The following RUNX1 variants were observed in gnomAD, a reference collection of about 807,000 sequenced individuals.
RUNX1 encodes runt-related transcription factor 1.
Under a neutral mutation model 42.8 loss-of-function variants are expected in RUNX1, and 19 were observed. The ratio of observed to expected loss-of-function variants is 0.44; its 90% CI spans 0.31 to 0.65. RUNX1 has a LOEUF of 0.65. Ranked by LOEUF, RUNX1 falls within the 30% of genes least tolerant of loss-of-function variation. RUNX1 has a pLI of 0.07. For synonymous variants in RUNX1, 271 were observed against 289.4 expected (o/e 0.94, Z 0.64); for missense variants, 528 against 672.0 (o/e 0.79, Z 2.37).
At chr21:34,809,752 G>C (rs2268277) in intron 7 of RUNX1, among the ~76,000 whole-genome samples, 61,147 of 151,838 alleles carry the variant, frequency 0.4, 12,669 homozygotes, top group African/African-American at 0.5. Flanking sequence ...AAGAGCTGTC[G>C]CTGGGGCAGA....
At chr21:34,817,224 T>C (rs560801761) in intron 7 of RUNX1, among the ~76,000 whole-genome samples, 1 of 152,326 alleles carries the variant, frequency 6.6e-6, no homozygotes, top group South Asian at 2.1e-4. Flanking sequence ...AGGTTGCCTA[T>C]GCTCATTGCT....
chr21:34,806,714 T>C lies in RUNX1; in HGVS notation c.806-7252A>G, dbSNP rs534020503. Among the ~76,000 whole-genome samples the C allele has an allele frequency of 2.6e-5, 4 of 152,306 alleles. No homozygotes were observed. The South Asian group carries it at 8.3e-4, about 32-fold the overall frequency. On this transcript the variant is annotated intron_variant, in intron 7 of 8. Transcript: ENST00000675419. ...ATGGAAGATTCACCAAGATAAGCCA[T>C]ATTCTGGGCCACAAAACACACTTTA...
At chr21:35,018,469 A>C (rs890012070) in intron 2 of RUNX1, among the ~76,000 whole-genome samples, 2 of 152,106 alleles carry the variant, frequency 1.3e-5, no homozygotes, top group African/African-American at 2.4e-5. Context: ...GGAGAAAATA[A>C]ATTTCTGTTG....
chr21:34,940,968 T>A (rs1335395487), intron 2 of RUNX1, among the ~76,000 whole-genome samples: 4 of 152,218 alleles, frequency 2.6e-5, no homozygotes. Flanking sequence ...CACAGAGAAC[T>A]AGAAATGTCG....
intron 6 of RUNX1, among the ~76,000 whole-genome samples, chr21:34,836,058 C>T (rs562902346): frequency 2.6e-5 from 4 of 152,352 alleles, no homozygotes; most frequent in African/African-American, 9.6e-5. Context: ...CACTATATTG[C>T]AGTGATTTTA....
At chr21:34,798,587 A>T (rs1208921541) in intron 8 of RUNX1, among the ~76,000 whole-genome samples, 1 of 152,122 alleles carries the variant, frequency 6.6e-6, no homozygotes, top group Non-Finnish European at 1.5e-5. Flanking sequence ...TGTTTAACCA[A>T]CTGTAGATCA....
Position 34,849,304 on chromosome 21 carries a change from AATATATATTAT to A in RUNX1, c.613+10159_613+10169del, listed in dbSNP as rs1212238227. On this transcript the variant is annotated intron_variant, in intron 6 of 8. Coordinates refer to ENST00000675419, the MANE Select transcript of RUNX1 (RefSeq NM_001754.5). ...AATATATATTATATATAAAATATAT[AATATATATTAT>A]ATATATATTATATATACTATATATA... 1.0e-3 allele frequency among the ~76,000 whole-genome samples: 41 copies of A among 39,150 alleles called. 2 individuals carry two copies. Among genetic ancestry groups the A allele is most frequent in the African/African-American group, 2.5e-3 (27 of 10,886 alleles). 25.7% of individuals were successfully genotyped at this position (39,150 alleles called of 152,430 possible). A position where few individuals can be genotyped will look rare whatever the true frequency, so the allele number is the denominator to read the frequency against.
intron 2 of RUNX1, among the ~76,000 whole-genome samples, chr21:34,899,681 C>G (rs768251833): frequency 2.0e-5 from 3 of 152,226 alleles, no homozygotes; most frequent in Admixed American, 6.5e-5. Context: ...CATCATTACT[C>G]CCTTCACTTT....
At chr21:34,863,221 A>T (rs770504774) in intron 5 of RUNX1, among the ~76,000 whole-genome samples, 2 of 152,224 alleles carry the variant, frequency 1.3e-5, no homozygotes, top group Non-Finnish European at 2.9e-5. Flanking sequence ...TCTTCCGGTT[A>T]TTATCCCTGA....
chr21:34,914,766 C>T (rs2058299072), intron 2 of RUNX1, among the ~76,000 whole-genome samples: 1 of 152,238 alleles, frequency 6.6e-6, no homozygotes, highest in Admixed American at 6.5e-5. Flanking sequence ...TGTGTGGCTG[C>T]ACTTCACAGC....
chr21:34,925,318 T>C (rs1269650604), intron 2 of RUNX1, among the ~76,000 whole-genome samples: 2 of 152,190 alleles, frequency 1.3e-5, no homozygotes, highest in South Asian at 2.1e-4. Flanking sequence ...AAAAGATATG[T>C]TGAAGTCCTA....
intron 2 of RUNX1, among the ~76,000 whole-genome samples, chr21:34,945,985 T>G (rs535439260): frequency 2.0e-5 from 3 of 152,322 alleles, no homozygotes; most frequent in Admixed American, 6.5e-5. Flanking sequence ...TCTTCCTGGT[T>G]TTCCAGGTTT....
intron 6 of RUNX1, among the ~76,000 whole-genome samples, chr21:34,842,581 C>G (rs556315402): frequency 6.6e-6 from 1 of 151,794 alleles, no homozygotes; most frequent in East Asian, 1.9e-4. Flanking sequence ...GTCAAAGGCT[C>G]TTTTGCTGAG....
intron 3 of RUNX1, chr21:34,888,501 AAAAC>A (rs1459499977): frequency 1.9e-6 from 2 of 1,065,566 alleles, no homozygotes; most frequent in Non-Finnish European, 2.3e-6. Flanking sequence ...AGAAAGGGGA[AAAAC>A]AAAAAAAAAC....
chr21:35,001,308 TTATATATATATA>T (rs3059374), intron 2 of RUNX1, among the ~76,000 whole-genome samples: 1 of 142,458 alleles, frequency 7.0e-6, no homozygotes, highest in Non-Finnish European at 1.5e-5. Context: ...AGTTATGGTT[TTATATATATATA>T]TATATATATA....
intron 4 of RUNX1, among the ~76,000 whole-genome samples, chr21:34,881,360 C>T (rs1257778688): frequency 6.6e-6 from 1 of 152,174 alleles, no homozygotes; most frequent in Admixed American, 6.5e-5. Context: ...CTTAAACTGT[C>T]CCTCTACAGT....
intron 6 of RUNX1, among the ~76,000 whole-genome samples, chr21:34,841,505 C>T (rs943724169): frequency 2.0e-5 from 3 of 152,142 alleles, no homozygotes; most frequent in African/African-American, 7.2e-5. Context: ...TCTCAGGTGA[C>T]ATGAAGTACA....
intron 2 of RUNX1, among the ~76,000 whole-genome samples, chr21:34,969,289 G>T (rs2058743048): frequency 6.6e-6 from 1 of 152,120 alleles, no homozygotes; most frequent in African/African-American, 2.4e-5. Context: ...ATAGAGCAGG[G>T]AGCAGGTGGA....
At chr21:34,818,949 A>G (rs2056869837) in intron 7 of RUNX1, among the ~76,000 whole-genome samples, 1 of 152,102 alleles carries the variant, frequency 6.6e-6, no homozygotes, top group South Asian at 2.1e-4. Context: ...CTACATCCAA[A>G]TCCTAGGAAT....
Sources: gnomAD v4.1 joint callset for allele counts (sites outside exome capture counted in the v4.1 genomes callset) on GRCh38, gnomAD v4.1.1 for gene constraint, MANE v1.5 for transcripts, NCBI Gene and HGNC (gene_info 2026-07-23, HGNC 2026-07-21) for gene names.